The following NSMCE2 variants were observed in gnomAD, a reference collection of about 807,000 sequenced individuals.
NSMCE2 encodes NSE2 SUMO ligase component of SMC5/6 complex.
Under a neutral mutation model 23.8 loss-of-function variants are expected in NSMCE2, and 24 were observed. The observed-to-expected ratio is 1.01, with a 90% confidence interval of 0.73 to 1.42. The LOEUF is 1.42. Ranked by LOEUF, NSMCE2 falls within the 40% of genes most tolerant of loss-of-function variation. The probability of loss-of-function intolerance (pLI) is 0.00; values close to 1 mark genes in which losing one functional copy is unlikely to be tolerated. For missense variants in NSMCE2, 284 were observed against 296.5 expected, an observed-to-expected ratio of 0.96 and a Z score of 0.31; for synonymous variants, 92 against 94.1, an observed-to-expected ratio of 0.98 and a Z score of 0.13.
At chr8:125,246,746 T>A (rs1343671630) in intron 5 of NSMCE2, among the ~76,000 whole-genome samples, 1 of 152,204 alleles carries the variant, frequency 6.6e-6, no homozygotes, top group Non-Finnish European at 1.5e-5. Context: ...ATTTTTTTCC[T>A]CATCTTTATT....
At chr8:125,276,906 C>G (rs1024506821) in intron 5 of NSMCE2, among the ~76,000 whole-genome samples, 1 of 152,156 alleles carries the variant, frequency 6.6e-6, no homozygotes, top group South Asian at 2.1e-4. Context: ...CATTGCACAA[C>G]TGTGGGGGAC....
chr8:125,300,377 G>T (rs1389798248), intron 5 of NSMCE2, among the ~76,000 whole-genome samples: 1 of 151,954 alleles, frequency 6.6e-6, no homozygotes, highest in Non-Finnish European at 1.5e-5. Context: ...TGCCCAGGCT[G>T]GTCTCGAACT....
intron 5 of NSMCE2, among the ~76,000 whole-genome samples, chr8:125,203,872 T>C (rs1823994526): frequency 6.6e-6 from 1 of 152,178 alleles, no homozygotes; most frequent in South Asian, 2.1e-4. Flanking sequence ...AAAATATAAC[T>C]TGTTAGCTTG....
intron 5 of NSMCE2, among the ~76,000 whole-genome samples, chr8:125,205,092 A>T (rs1021731279): frequency 6.6e-6 from 1 of 152,198 alleles, no homozygotes; most frequent in Non-Finnish European, 1.5e-5. Flanking sequence ...CTTTACCTGT[A>T]GACTTTCACT....
chr8:125,188,915 G>C (rs1256898569), intron 5 of NSMCE2, among the ~76,000 whole-genome samples: 1 of 152,214 alleles, frequency 6.6e-6, no homozygotes, highest in Non-Finnish European at 1.5e-5. Flanking sequence ...CTAGTGATTG[G>C]AAAGGTATGT....
chr8:125,126,270 G>T (rs1819513171), intron 3 of NSMCE2, among the ~76,000 whole-genome samples: 1 of 151,754 alleles, frequency 6.6e-6, no homozygotes. Flanking sequence ...TACTAAGGAG[G>T]CCGAGGCAGG....
intron 5 of NSMCE2, among the ~76,000 whole-genome samples, chr8:125,326,966 A>C (rs1020504081): frequency 1.4e-5 from 2 of 146,962 alleles, no homozygotes; most frequent in Non-Finnish European, 3.0e-5. Flanking sequence ...CAAAAAAAAA[A>C]AGAGAGAGAG....
At chr8:125,172,447 T>C (rs1397568100) in intron 4 of NSMCE2, among the ~76,000 whole-genome samples, 1 of 152,204 alleles carries the variant, frequency 6.6e-6, no homozygotes, top group Non-Finnish European at 1.5e-5. Flanking sequence ...TTTACAAATA[T>C]AGTGGCAGCA....
At chr8:125,276,627 A>G (rs1827460819) in intron 5 of NSMCE2, among the ~76,000 whole-genome samples, 1 of 152,106 alleles carries the variant, frequency 6.6e-6, no homozygotes, top group Non-Finnish European at 1.5e-5. Flanking sequence ...GACTTATGGT[A>G]GAACCTCCAT....
chr8:125,144,863 T>C (rs905386108), intron 3 of NSMCE2, among the ~76,000 whole-genome samples: 1 of 152,222 alleles, frequency 6.6e-6, no homozygotes, highest in Non-Finnish European at 1.5e-5. Flanking sequence ...CTTTAATGCC[T>C]ATTCAATACC....
chr8:125,361,799 G>A (rs1250275187), intron 7 of NSMCE2, among the ~76,000 whole-genome samples: 1 of 152,142 alleles, frequency 6.6e-6, no homozygotes, highest in East Asian at 1.9e-4. Context: ...TTTGACTCAG[G>A]GGTTGTAAGA....
chr8:125,328,065 A>G (rs1215984833), intron 5 of NSMCE2, among the ~76,000 whole-genome samples: 1 of 152,070 alleles, frequency 6.6e-6, no homozygotes, highest in Non-Finnish European at 1.5e-5. Context: ...AGTGAGACTA[A>G]CATTTGAGGA....
At chr8:125,309,651 G>A (rs1346682480) in intron 5 of NSMCE2, among the ~76,000 whole-genome samples, 6 of 152,102 alleles carry the variant, frequency 3.9e-5, no homozygotes, top group East Asian at 1.9e-4. Context: ...CTTGAGCTGG[G>A]GAGATCAAGG....
chr8:125,260,543 C>T (rs1393909613), intron 5 of NSMCE2, among the ~76,000 whole-genome samples: 1 of 148,852 alleles, frequency 6.7e-6, no homozygotes, highest in Non-Finnish European at 1.5e-5. Flanking sequence ...CTTCTCGGGG[C>T]CTGAGTTTCC....
At chr8:125,190,174 CTCCTCTT>C (rs1341332895) in intron 5 of NSMCE2, among the ~76,000 whole-genome samples, 1 of 151,318 alleles carries the variant, frequency 6.6e-6, no homozygotes, top group African/African-American at 2.4e-5. Context: ...ATTTGCCTCT[CTCCTCTT>C]TCCTCCTCTC....
In NSMCE2 at chr8:125,331,129, GTC is replaced by G. The variant is rs1167846516; in HGVS notation, c.419-26086_419-26085del. ...ATCCTGGCCAACATGGTGAAACCCC[GTC>G]TCTACTAAAAATACAAAAATTAGCC... On this transcript the variant is annotated intron_variant, in intron 5 of 7. Transcript: ENST00000287437. Among the ~76,000 whole-genome samples, 6 of 152,040 alleles carry G rather than the reference GTC, an allele frequency of 3.9e-5. No individual in the cohort carries two copies. The East Asian group carries it at 1.2e-3, about 29-fold the overall frequency.
At chr8:125,321,427 CA>C (rs1829455279) in intron 5 of NSMCE2, among the ~76,000 whole-genome samples, 1 of 152,266 alleles carries the variant, frequency 6.6e-6, no homozygotes, top group South Asian at 2.1e-4. Flanking sequence ...AGAGCCCAGG[CA>C]ACTGGCTTCG....
chr8:125,184,282 G>A (rs1303587418), intron 5 of NSMCE2, among the ~76,000 whole-genome samples: 1 of 152,094 alleles, frequency 6.6e-6, no homozygotes, highest in East Asian at 1.9e-4. Context: ...TACTCATGGA[G>A]AAACACTTTC....
intron 5 of NSMCE2, among the ~76,000 whole-genome samples, chr8:125,342,563 G>GA (rs1267034410): frequency 6.6e-6 from 1 of 152,174 alleles, no homozygotes; most frequent in Non-Finnish European, 1.5e-5. Context: ...TGCTGACTCA[G>GA]TGATGCCTTC....
Sources: allele counts gnomAD v4.1 joint callset (sites outside exome capture counted in the v4.1 genomes callset), GRCh38; gene constraint gnomAD v4.1.1; transcripts MANE v1.5; gene names NCBI Gene and HGNC (gene_info 2026-07-23, HGNC 2026-07-21).